Variants in SLC2A1 observed in about 807,000 individuals in gnomAD.
The protein encoded by SLC2A1 is solute carrier family 2 member 1, also known as solute carrier family 2, facilitated glucose transporter member 1.
Under a neutral mutation model 46.6 loss-of-function variants are expected in SLC2A1, and 4 were observed. The observed-to-expected ratio is 0.09, with a 90% CI of 0.04 to 0.20. The LOEUF (loss-of-function observed/expected upper bound fraction) is 0.20. Among genes scored for constraint, SLC2A1 ranks in the 10% least tolerant of loss-of-function variants. The pLI is 1.00. For synonymous variants in SLC2A1, 253 were observed against 270.0 expected, an observed-to-expected ratio of 0.94 and a Z score of 0.62; for missense variants, 352 against 667.0, an observed-to-expected ratio of 0.53 and a Z score of 5.20.
In SLC2A1 at chr1:42,931,281, C is replaced by A. The variant is rs1643487417; in HGVS notation, c.115-75G>T. On this transcript the variant is annotated intron_variant, in intron 2 of 9. Coordinates refer to ENST00000426263, the MANE Select transcript of SLC2A1 (RefSeq NM_006516.4). ...GTCTTCCTTTTCCTTTCCCCTTGCA[C>A]CCCTCCCTAAGAGAGGGCCAGGGCC... 9.4e-6 allele frequency: 14 copies of A among 1,482,374 alleles called. No individual in the cohort carries two copies. In the Admixed American group the frequency reaches 2.7e-4, roughly 28 times the overall value. 91.8% of individuals were successfully genotyped at this position (1,482,374 alleles called of 1,614,324 possible). A position where few individuals can be genotyped will look rare whatever the true frequency, so the allele number is the denominator to read the frequency against.
At chr1:42,936,631 C>A (rs576095476) in intron 2 of SLC2A1, among the ~76,000 whole-genome samples, 2 of 152,136 alleles carry the variant, frequency 1.3e-5, no homozygotes, top group Non-Finnish European at 2.9e-5. Context: ...CCTGACATGG[C>A]TAGCCTCCAA....
intron 2 of SLC2A1, among the ~76,000 whole-genome samples, chr1:42,937,361 G>A (rs1165767337): frequency 1.3e-5 from 2 of 152,176 alleles, no homozygotes; most frequent in Admixed American, 1.3e-4. Context: ...GGGTGTGATG[G>A]TGTAAGAGAT....
intron 1 of SLC2A1, among the ~76,000 whole-genome samples, chr1:42,950,145 A>G (rs74070935): frequency 6.6e-6 from 1 of 152,364 alleles, no homozygotes; most frequent in African/African-American, 2.4e-5. Flanking sequence ...AATGACTAAT[A>G]TTTTGTGATA....
At chr1:42,958,281 T>TGCC (rs1643801829) in intron 1 of SLC2A1, among the ~76,000 whole-genome samples, 1 of 151,296 alleles carries the variant, frequency 6.6e-6, no homozygotes, top group Admixed American at 6.6e-5. Flanking sequence ...GAGGCTGGGC[T>TGCC]GCTGCTGCCG....
chr1:42,951,795 G>A (rs1029196297), intron 1 of SLC2A1: 3 of 398,794 alleles, frequency 7.5e-6, no homozygotes, highest in African/African-American at 6.2e-5. Context: ...GCTGGAGTGA[G>A]GGTAGTTCAT....
chr1:42,946,740 G>T (rs983757381), intron 1 of SLC2A1, among the ~76,000 whole-genome samples: 1 of 152,078 alleles, frequency 6.6e-6, no homozygotes, highest in Non-Finnish European at 1.5e-5. Context: ...CTAGGTGTAG[G>T]GGGAGGGACA....
chr1:42,932,433 G>A (rs1322641364), intron 2 of SLC2A1, among the ~76,000 whole-genome samples: 4 of 152,170 alleles, frequency 2.6e-5, no homozygotes, highest in Admixed American at 6.5e-5. Context: ...TCTTATGCAC[G>A]TATACCATCA....
At chr1:42,955,880 T>C (rs184929880) in intron 1 of SLC2A1, among the ~76,000 whole-genome samples, 7 of 152,334 alleles carry the variant, frequency 4.6e-5, no homozygotes, top group Non-Finnish European at 8.8e-5. Context: ...GCTAAGCTCA[T>C]TACTGTGAGT....
At chr1:42,949,067 C>CAA (rs370563756) in intron 1 of SLC2A1, among the ~76,000 whole-genome samples, 23 of 107,038 alleles carry the variant, frequency 2.1e-4, no homozygotes, top group Admixed American at 8.5e-4. Flanking sequence ...GACTCTGTCT[C>CAA]AAAAAAAAAA....
At position 42,927,920 on chromosome 1, in the gene SLC2A1, G is replaced by T. The variant is rs1274002294; in HGVS notation, c.1075-112C>A. The T allele has an allele frequency of 3.6e-6, 3 of 830,208 alleles. No homozygotes were observed. Among genetic ancestry groups the T allele is most frequent in the Non-Finnish European group, 6.0e-6 (3 of 501,088 alleles). 51.4% of individuals were successfully genotyped at this position (830,208 alleles called of 1,614,324 possible). On this transcript the variant is annotated intron_variant, in intron 8 of 9. Coordinates refer to ENST00000426263, the MANE Select transcript of SLC2A1 (RefSeq NM_006516.4). This position sits in a 1 kb window ranked among gnomAD's most constrained non-coding sequence, Gnocchi z 5.3. The stretch of plus-strand genomic sequence containing the variant: ...AGCTATGCGAGAAGGCAGGAAGCCT[G>T]GGGATGGTCCTGGATTTGTTGTGTA...
intron 1 of SLC2A1, among the ~76,000 whole-genome samples, chr1:42,950,914 G>T (rs1182417297): frequency 1.3e-5 from 2 of 152,196 alleles, no homozygotes; most frequent in African/African-American, 4.8e-5. Flanking sequence ...GGCAGAGGTT[G>T]CAGTGAGCCG....
At position 42,930,129 on chromosome 1, in the gene SLC2A1, G is replaced by T. The variant is rs185158105; in HGVS notation, c.517-94C>A. ...CCTTCCCTACTTTGTGTCAGCTGCT[G>T]CTTCAGGGAAGGGCCCCAGTTCTAG... On this transcript the variant is annotated intron_variant, in intron 4 of 9. Coordinates refer to ENST00000426263, the MANE Select transcript of SLC2A1 (RefSeq NM_006516.4). This position sits in a 1 kb window ranked among gnomAD's most constrained non-coding sequence, Gnocchi z 6.2. The T allele has an allele frequency of 1.5e-4, 208 of 1,424,548 alleles. 1 individual carries two copies. In the African/African-American group the frequency reaches 2.7e-3, roughly 18 times the overall value. 88.2% of individuals were successfully genotyped at this position (1,424,548 alleles called of 1,614,324 possible).
At chr1:42,944,107 C>T (rs975508347) in intron 1 of SLC2A1, among the ~76,000 whole-genome samples, 5 of 152,106 alleles carry the variant, frequency 3.3e-5, no homozygotes, top group Non-Finnish European at 7.4e-5. Context: ...ACATGCTAGG[C>T]GGGAATGCAC....
intron 2 of SLC2A1, among the ~76,000 whole-genome samples, chr1:42,941,282 C>G (rs952118200): frequency 1.3e-5 from 2 of 152,144 alleles, no homozygotes; most frequent in African/African-American, 4.8e-5. Context: ...GGTGCCCATC[C>G]GCCCCTTCTG....
chr1:42,926,975 C>T lies in SLC2A1; in HGVS notation c.*66G>A. ...TGTCAGGTTTGGAAGTCTCATCCAG[C>T]TGCCTGTGCTCCTGAGAGATCCTTA... On this transcript the variant is annotated 3_prime_UTR_variant, in exon 10 of 10. Coordinates refer to ENST00000426263, the MANE Select transcript of SLC2A1 (RefSeq NM_006516.4). 6.3e-7 allele frequency: 1 copy of T among 1,583,404 alleles called. No homozygotes were observed. The highest frequency in any genetic ancestry group is 8.6e-7 in the Non-Finnish European group (1 of 1,162,584).
chr1:42,928,603 C>T (rs537789173), intron 8 of SLC2A1, among the ~76,000 whole-genome samples: 3 of 152,110 alleles, frequency 2.0e-5, no homozygotes, highest in Non-Finnish European at 2.9e-5. Context: ...CACTACTTCC[C>T]GGGGTTGCTG....
chr1:42,932,046 AC>A (rs1643496531), intron 2 of SLC2A1, among the ~76,000 whole-genome samples: 1 of 152,078 alleles, frequency 6.6e-6, no homozygotes, highest in Non-Finnish European at 1.5e-5. Context: ...TGACAAACTC[AC>A]ACATGTCACC....
chr1:42,927,626 G>C lies in SLC2A1; in HGVS notation c.1257C>G (p.Gly419=). The change falls in exon 9 of 10, where the codon GGC becomes GGG. Residue 419 remains glycine, a synonymous_variant. Coordinates refer to ENST00000426263, the MANE Select transcript of SLC2A1 (RefSeq NM_006516.4). This position sits in a 1 kb window ranked among gnomAD's most constrained non-coding sequence, Gnocchi z 5.3. ...TCACCTCCACATACTGGAAGCACAT[G>C]CCCACAATGAAATTTGAGGTCCAGT... ...FSNWTSNFIV[G]MCFQYVEQLC... The C allele has an allele frequency of 6.2e-7, 1 of 1,614,122 alleles. No homozygotes were observed. The highest frequency in any genetic ancestry group is 8.5e-7 in the Non-Finnish European group (1 of 1,180,002).
chr1:42,958,291 G>T (rs1389988838), intron 1 of SLC2A1, among the ~76,000 whole-genome samples: 1 of 151,324 alleles, frequency 6.6e-6, no homozygotes, highest in Non-Finnish European at 1.5e-5. Flanking sequence ...TGCTGCTGCC[G>T]AGGTCGTGTG....
Sources: allele counts gnomAD v4.1 joint callset (sites outside exome capture counted in the v4.1 genomes callset), GRCh38; gene constraint gnomAD v4.1.1; non-coding constraint Gnocchi (gnomAD v3.1); transcripts MANE v1.5; gene names NCBI Gene and HGNC (gene_info 2026-07-23, HGNC 2026-07-21).